BACH2: variants seen among roughly 807,000 people sequenced by gnomAD.
BACH2 encodes the protein BACH transcriptional regulator 2, also known as transcription regulator protein BACH2.
A neutral mutation model predicts 61.8 loss-of-function variants in BACH2; 5 were observed. That is an observed-to-expected ratio of 0.08 (90% CI 0.04 to 0.17). The LOEUF (loss-of-function observed/expected upper bound fraction) is 0.17, where lower values mean the gene tolerates loss of function less well. Among genes scored for constraint, BACH2 ranks in the 10% least tolerant of loss-of-function variants. The pLI is 1.00. For missense variants in BACH2, 824 were observed against 1,091.1 expected (o/e 0.76, Z 3.45); for synonymous variants, 446 against 440.1 (o/e 1.01, Z -0.17).
chr6:90,037,697 T>C (rs1438946914), intron 5 of BACH2, among the ~76,000 whole-genome samples: 3 of 152,302 alleles, frequency 2.0e-5, no homozygotes, highest in Middle Eastern at 3.4e-3. Context: ...ATATTCTCCC[T>C]CCCTCCAAAA....
intron 3 of BACH2, among the ~76,000 whole-genome samples, chr6:90,251,956 G>A (rs1176107312): frequency 6.6e-6 from 1 of 152,074 alleles, no homozygotes; most frequent in African/African-American, 2.4e-5. Context: ...TTTCAAGACA[G>A]AAAGAAGAAA....
intron 4 of BACH2, among the ~76,000 whole-genome samples, chr6:90,133,526 AT>A (rs59600134): frequency 0.039 from 5,857 of 149,786 alleles, 304 homozygotes; most frequent in African/African-American, 0.13. Flanking sequence ...TTTTTATTTT[AT>A]TTTATTTATT....
intron 6 of BACH2, among the ~76,000 whole-genome samples, chr6:89,967,763 T>C (rs1057332982): frequency 6.6e-6 from 1 of 152,220 alleles, no homozygotes; most frequent in African/African-American, 2.4e-5. Context: ...AAACTAATAC[T>C]GCTTTTATAT....
chr6:90,042,214 A>C (rs981113553), intron 5 of BACH2, among the ~76,000 whole-genome samples: 1 of 152,126 alleles, frequency 6.6e-6, no homozygotes, highest in Non-Finnish European at 1.5e-5. Flanking sequence ...TTTTTTTGAG[A>C]CAGGGTCTTG....
chr6:90,134,095 G>C (rs1784193018), intron 4 of BACH2, among the ~76,000 whole-genome samples: 1 of 152,170 alleles, frequency 6.6e-6, no homozygotes, highest in South Asian at 2.1e-4. Context: ...TCTAGTTCTA[G>C]ATCCCTGAGG....
intron 1 of BACH2, among the ~76,000 whole-genome samples, chr6:90,276,388 A>G (rs1055777952): frequency 6.6e-5 from 10 of 152,208 alleles, no homozygotes; most frequent in East Asian, 3.8e-4. Flanking sequence ...AACAACACCT[A>G]TAAGTCTAAA....
chr6:90,072,634 T>A (rs537283189), intron 5 of BACH2, among the ~76,000 whole-genome samples: 1 of 152,292 alleles, frequency 6.6e-6, no homozygotes, highest in Non-Finnish European at 1.5e-5. Context: ...AGCTTCTCAG[T>A]CATCCAACCC....
intron 3 of BACH2, among the ~76,000 whole-genome samples, chr6:90,207,007 G>A (rs915903823): frequency 6.6e-6 from 1 of 151,930 alleles, no homozygotes; most frequent in African/African-American, 2.4e-5. Context: ...CCCCCACCAT[G>A]TTTTCATTCA....
chr6:90,002,665 G>C (rs568937870), intron 6 of BACH2, among the ~76,000 whole-genome samples: 27 of 152,340 alleles, frequency 1.8e-4, no homozygotes, highest in African/African-American at 5.3e-4. Flanking sequence ...AGCTACTTGG[G>C]AGGCTGAGGC....
chr6:90,024,363 C>G (rs12663434), intron 5 of BACH2, among the ~76,000 whole-genome samples: 1 of 151,982 alleles, frequency 6.6e-6, no homozygotes, highest in Non-Finnish European at 1.5e-5. Context: ...CCAAGTTGTA[C>G]GTTTTCAGTA....
intron 4 of BACH2, among the ~76,000 whole-genome samples, chr6:90,098,281 C>T (rs370159098): frequency 1.4e-5 from 2 of 140,524 alleles, no homozygotes; most frequent in Middle Eastern, 3.5e-3. Flanking sequence ...TTGCCCCCCC[C>T]GCAACCCCCA....
chr6:90,007,972 G>T (rs913104437), intron 6 of BACH2: 1 of 153,392 alleles, frequency 6.5e-6, no homozygotes, highest in Admixed American at 6.5e-5. Context: ...CCCATCTTTT[G>T]GGGTCCTACA....
rs1302889678 is a variant in BACH2 at position 90,160,230 on chromosome 6, C to T, written c.-162+46339G>A. Among the ~76,000 whole-genome samples the T allele has an allele frequency of 2.6e-5, 4 of 152,134 alleles. No homozygotes were observed. In the East Asian group the frequency reaches 7.7e-4, roughly 29 times the overall value. ...TGTGCACGTGAGGCCTTAGACAATA[C>T]ACAAAGGACAGTCAGCACTTGCACA... On this transcript the variant is annotated intron_variant, in intron 4 of 8. Transcript: ENST00000257749.
chr6:90,082,190 T>C (rs187348026), intron 5 of BACH2, among the ~76,000 whole-genome samples: 55 of 152,340 alleles, frequency 3.6e-4, no homozygotes, highest in Admixed American at 1.2e-3. Flanking sequence ...AATTGCCTTA[T>C]AGTACAGTGA....
At chr6:90,293,123 C>T (rs1772233396) in intron 1 of BACH2, among the ~76,000 whole-genome samples, 3 of 152,210 alleles carry the variant, frequency 2.0e-5, no homozygotes, top group Non-Finnish European at 2.9e-5. Flanking sequence ...TGAGGTCCTT[C>T]TGAGCAGGGA....
intron 5 of BACH2, among the ~76,000 whole-genome samples, chr6:90,023,270 G>A (rs968525655): frequency 6.6e-6 from 1 of 151,596 alleles, no homozygotes; most frequent in African/African-American, 2.4e-5. Flanking sequence ...GGTGGGGCCT[G>A]GTGGGAGGTG....
At chr6:90,270,697 C>T (rs546371829) in intron 2 of BACH2, among the ~76,000 whole-genome samples, 3 of 152,220 alleles carry the variant, frequency 2.0e-5, no homozygotes, top group African/African-American at 7.2e-5. Flanking sequence ...AAAATACTAT[C>T]ATCATTCTTC....
chr6:90,091,017 G>A (rs760419978), intron 4 of BACH2, among the ~76,000 whole-genome samples: 4 of 152,108 alleles, frequency 2.6e-5, no homozygotes, highest in South Asian at 2.1e-4. Flanking sequence ...CTCATTTAAC[G>A]CCAAGTGCAT....
At chr6:90,169,156 G>A (rs1767727710) in intron 4 of BACH2, among the ~76,000 whole-genome samples, 1 of 149,606 alleles carries the variant, frequency 6.7e-6, no homozygotes. Context: ...TTTCTCTCAG[G>A]TTACTGGTGA....
Sources: allele counts gnomAD v4.1 joint callset (sites outside exome capture counted in the v4.1 genomes callset), GRCh38; gene constraint gnomAD v4.1.1; transcripts MANE v1.5; gene names NCBI Gene and HGNC (gene_info 2026-07-23, HGNC 2026-07-21).